The following KAT2B variants were observed in gnomAD, a reference collection of about 807,000 sequenced individuals.
KAT2B encodes lysine acetyltransferase 2B, also known as histone acetyltransferase KAT2B.
In KAT2B, 36 loss-of-function variants were observed where a neutral mutation model predicts 105.9. The observed-to-expected ratio is 0.34, with a 90% CI of 0.26 to 0.45. The LOEUF is 0.45. Ranked by LOEUF, KAT2B falls within the 20% of genes least tolerant of loss-of-function variation. The pLI is 1.00. For missense variants in KAT2B, 820 were observed against 1,021.6 expected, an observed-to-expected ratio of 0.80 and a Z score of 2.69; for synonymous variants, 397 against 377.9, an observed-to-expected ratio of 1.05 and a Z score of -0.59.
intron 8 of KAT2B, among the ~76,000 whole-genome samples, chr3:20,122,140 G>A (rs1052410783): frequency 2.6e-5 from 4 of 152,110 alleles, no homozygotes; most frequent in Non-Finnish European, 5.9e-5. Flanking sequence ...AAAAATATCA[G>A]TAAGGCTCTT....
rs1030567237 is a variant in KAT2B, at chr3:20,154,153, T to C, written c.*1628T>C. 2 of 152,600 alleles carry C rather than the reference T, an allele frequency of 1.3e-5. No homozygotes were observed. Among genetic ancestry groups the C allele is most frequent in the African/African-American group, 4.8e-5 (2 of 41,454 alleles). The allele number at this position is 152,600 out of a possible 1,614,324, so 9.5% of individuals were successfully genotyped here. A position where few individuals can be genotyped will look rare whatever the true frequency, so the allele number is the denominator to read the frequency against. ...TGTCCAGCTGGTATCCTGTGAAAGTTTGTTATTTTCTGAGTAGACATTCTT... is the reference window on the plus strand; with the variant it reads ...TGTCCAGCTGGTATCCTGTGAAAGTCTGTTATTTTCTGAGTAGACATTCTT... On this transcript the variant is annotated 3_prime_UTR_variant, in exon 18 of 18. Transcript: ENST00000263754.
rs955779095 is a variant in KAT2B, at chr3:20,053,136, T to C, written c.303+12356T>C. Among the ~76,000 whole-genome samples, 20 of 152,308 alleles carry C rather than the reference T, an allele frequency of 1.3e-4. No individual in the cohort carries two copies. The East Asian group carries it at 3.3e-3, about 25-fold the overall frequency. ...CAGACTTGATGACAAGCAACAGTTA[T>C]CTTATGGCCTGAACGTCTCCTACAA... On this transcript the variant is annotated intron_variant, in intron 1 of 17. Coordinates refer to ENST00000263754, the MANE Select transcript of KAT2B (RefSeq NM_003884.5).
At chr3:20,062,195 ATATATTT>A (rs1559514281) in intron 1 of KAT2B, among the ~76,000 whole-genome samples, 1,828 of 54,020 alleles carry the variant, frequency 0.034, 125 homozygotes, top group Non-Finnish European at 0.053. Context: ...TATAAAATAT[ATATATTT>A]TATATAAAAT....
At chr3:20,132,594 C>T (rs1290409145) in intron 11 of KAT2B, among the ~76,000 whole-genome samples, 2 of 152,292 alleles carry the variant, frequency 1.3e-5, no homozygotes. Context: ...TATGTTGTCA[C>T]TGCCTCTCTA....
At chr3:20,066,989 C>G (rs1178397504) in intron 1 of KAT2B, among the ~76,000 whole-genome samples, 4 of 152,098 alleles carry the variant, frequency 2.6e-5, no homozygotes, top group Non-Finnish European at 5.9e-5. Context: ...GGCTGGCTGC[C>G]ACATCTTGGA....
rs1182682788 is a variant in KAT2B at position 20,048,852 on chromosome 3, T to C, written c.303+8072T>C. 3.9e-5 allele frequency among the ~76,000 whole-genome samples: 6 copies of C among 152,204 alleles called. No individual in the cohort carries two copies. In the East Asian group the frequency reaches 1.2e-3, roughly 29 times the overall value. On this transcript the variant is annotated intron_variant, in intron 1 of 17. Coordinates refer to ENST00000263754, the MANE Select transcript of KAT2B (RefSeq NM_003884.5). ...AATCCTTGCTTCTTTCCCTCTATGC[T>C]GGGTGCCTTTGGGCAGCGCCCCCCT...
chr3:20,054,805 T>C (rs1049033118), intron 1 of KAT2B, among the ~76,000 whole-genome samples: 15 of 152,212 alleles, frequency 9.9e-5, no homozygotes, highest in Non-Finnish European at 2.1e-4. Flanking sequence ...GTGAGTCATG[T>C]AACCCAGGAT....
At chr3:20,093,803 G>A (rs866381188) in intron 2 of KAT2B, among the ~76,000 whole-genome samples, 21 of 152,126 alleles carry the variant, frequency 1.4e-4, no homozygotes, top group African/African-American at 2.4e-4. Flanking sequence ...TTGAGGTGCC[G>A]CCTCCTGTTA....
At chr3:20,042,904 C>CTT (rs560877108) in intron 1 of KAT2B, among the ~76,000 whole-genome samples, 1 of 145,724 alleles carries the variant, frequency 6.9e-6, no homozygotes, top group African/African-American at 2.5e-5. Context: ...ATTTTAACGT[C>CTT]TTTTTTTTTT....
At chr3:20,132,599 T>C (rs1158843601) in intron 11 of KAT2B, among the ~76,000 whole-genome samples, 2 of 152,146 alleles carry the variant, frequency 1.3e-5, no homozygotes, top group African/African-American at 2.4e-5. Flanking sequence ...TGTCACTGCC[T>C]CTCTAACCAA....
At chr3:20,100,585 G>A (rs2125198438) in intron 4 of KAT2B, among the ~76,000 whole-genome samples, 1 of 152,214 alleles carries the variant, frequency 6.6e-6, no homozygotes, top group Admixed American at 6.5e-5. Flanking sequence ...AATGACTACT[G>A]AAGTCATGAT....
At chr3:20,088,834 C>G (rs1295283655) in intron 2 of KAT2B, among the ~76,000 whole-genome samples, 1 of 152,106 alleles carries the variant, frequency 6.6e-6, no homozygotes, top group Non-Finnish European at 1.5e-5. Flanking sequence ...TGTCAAGAAG[C>G]TTTTTCCTAT....
intron 1 of KAT2B, among the ~76,000 whole-genome samples, chr3:20,046,961 C>T (rs182309969): frequency 6.6e-4 from 101 of 152,146 alleles, no homozygotes; most frequent in African/African-American, 2.3e-3. Context: ...CTCCCCCCAA[C>T]GAATGATTAT....
chr3:20,086,934 C>A (rs1228339744), intron 2 of KAT2B, among the ~76,000 whole-genome samples: 9 of 148,876 alleles, frequency 6.0e-5, no homozygotes, highest in Non-Finnish European at 1.3e-4. Context: ...GGCATGTGCC[C>A]CCATGCCTGG....
chr3:20,045,294 A>T (rs1697789337), intron 1 of KAT2B, among the ~76,000 whole-genome samples: 1 of 151,708 alleles, frequency 6.6e-6, no homozygotes, highest in Non-Finnish European at 1.5e-5. Context: ...CTGGGATTAC[A>T]GGTGTGAGCC....
At chr3:20,113,817 T>C (rs917640759) in intron 6 of KAT2B, among the ~76,000 whole-genome samples, 1 of 152,134 alleles carries the variant, frequency 6.6e-6, no homozygotes, top group African/African-American at 2.4e-5. Context: ...CTGCCTTTTT[T>C]TCCACTTGGC....
In KAT2B at chr3:20,090,235, G is replaced by A. The variant is rs187464788; in HGVS notation, c.431-5028G>A. ...CTTTGGCTAGGACTTCCAATACTAC[G>A]TTGAAAAGAAGTGGCAAGGGTGGGT... On this transcript the variant is annotated intron_variant, in intron 2 of 17. Transcript: ENST00000263754. Among the ~76,000 whole-genome samples the A allele has an allele frequency of 4.7e-3, 717 of 152,144 alleles. 7 individuals carry two copies. Among genetic ancestry groups the A allele is most frequent in the African/African-American group, 0.016 (679 of 41,508 alleles).
At chr3:20,144,955 C>G (rs1699760185) in intron 13 of KAT2B, among the ~76,000 whole-genome samples, 1 of 151,986 alleles carries the variant, frequency 6.6e-6, no homozygotes, top group Admixed American at 6.6e-5. Context: ...ACTACCATGC[C>G]CAGCCCATTT....
chr3:20,111,929 C>T (rs1269136591), intron 6 of KAT2B, 142 bp downstream of exon 6: 4 of 670,336 alleles, frequency 6.0e-6, no homozygotes, highest in African/African-American at 5.5e-5. Flanking sequence ...CCTCAGTTCC[C>T]TTTGTGAATC....
Sources: gnomAD v4.1 joint callset for allele counts (sites outside exome capture counted in the v4.1 genomes callset) on GRCh38, gnomAD v4.1.1 for gene constraint, MANE v1.5 for transcripts, NCBI Gene and HGNC (gene_info 2026-07-23, HGNC 2026-07-21) for gene names.